FGA: variants seen among roughly 807,000 people sequenced by gnomAD.
The protein encoded by FGA is fibrinogen alpha chain, also known as fibrinogen, A alpha polypeptide.
Under a neutral mutation model 20.3 loss-of-function variants are expected in FGA, and 20 were observed. That is an observed-to-expected ratio of 0.99 (90% CI 0.69 to 1.43). The LOEUF (loss-of-function observed/expected upper bound fraction) is 1.43. Among genes scored for constraint, FGA ranks in the 40% most tolerant of loss-of-function variants. The pLI, the probability that FGA is intolerant of heterozygous loss-of-function variation, is 0.00. For missense variants in FGA, 777 were observed against 784.7 expected, an observed-to-expected ratio of 0.99 and a Z score of 0.12; for synonymous variants, 306 against 281.6, an observed-to-expected ratio of 1.09 and a Z score of -0.87.
intron 3 of FGA, 87 bp from the exon 4 acceptor site, chr4:154,587,744 G>GAAA: frequency 3.9e-6 from 2 of 513,324 alleles, no homozygotes; most frequent in South Asian, 3.1e-5. Flanking sequence ...AAGGAAGGAA[G>GAAA]GAGAAAGAAA....
At position 154,587,742 on chromosome 4, in the gene FGA, AAG is replaced by A. The variant is rs1730764118; in HGVS notation, c.365-87_365-86del. 4 of 867,336 alleles carry A rather than the reference AAG, an allele frequency of 4.6e-6. No homozygotes were observed. In the African/African-American group the frequency reaches 5.2e-5, roughly 11 times the overall value. The allele number at this position is 867,336 out of a possible 1,614,324, so 53.7% of individuals were successfully genotyped here. On this transcript the variant is annotated intron_variant, in intron 3 of 4. Coordinates refer to ENST00000403106, the MANE Select transcript of FGA (RefSeq NM_021871.4). ...CAAAAAAGAAAGGAAGAAAGGAAGG[AAG>A]GAGAAAGAAAGAAAGAAAGAAAGAA...
intron 1 of FGA, among the ~76,000 whole-genome samples, chr4:154,590,224 T>C (rs979590112): frequency 6.6e-6 from 1 of 152,256 alleles, no homozygotes; most frequent in East Asian, 1.9e-4. Context: ...GTTCTGCTTA[T>C]TATGGACAAG....
In FGA at chr4:154,585,382, A is replaced by T; in HGVS notation, c.*112T>A. ...AAGGCCCTGCCCCCAAGGAACTTAC[A>T]GTCTAGCACAAAAACAGACCAAAAA... On this transcript the variant is annotated 3_prime_UTR_variant, in exon 5 of 5. Transcript: ENST00000403106. 1 of 1,061,216 alleles carries T rather than the reference A, an allele frequency of 9.4e-7. No homozygotes were observed. Among genetic ancestry groups the T allele is most frequent in the Non-Finnish European group, 1.4e-6 (1 of 733,542 alleles). 65.7% of individuals were successfully genotyped at this position (1,061,216 alleles called of 1,614,324 possible).
intron 3 of FGA, 72 bp downstream of exon 3, chr4:154,588,721 C>A (rs1343070699): frequency 9.4e-7 from 1 of 1,061,784 alleles, no homozygotes; most frequent in African/African-American, 1.6e-5. Context: ...TAGATATAAG[C>A]GGATATCATA....
Position 154,585,865 on chromosome 4 carries a change from T to C in FGA, c.1564A>G (p.Thr522Ala). 1 of 1,614,126 alleles carries C rather than the reference T, an allele frequency of 6.2e-7. No homozygotes were observed. Residue 522 changes from threonine to alanine, a missense_variant, in exon 5 of 5, where the codon ACT becomes GCT. Transcript: ENST00000403106. ...RHPDEAAFFD[T>A]ASTGKTFPGF... ...GGGAATGTTTTTCCAGTTGAGGCAGTGTCGAAGAAGGCAGCTTCATCAGGG... is the reference window on the plus strand; with the variant it reads ...GGGAATGTTTTTCCAGTTGAGGCAGCGTCGAAGAAGGCAGCTTCATCAGGG...
downstream of FGA, chr4:154,584,633 T>A: frequency 3.7e-6 from 6 of 1,614,204 alleles, no homozygotes; most frequent in Non-Finnish European, 5.1e-6. Flanking sequence ...TCATTCAGGC[T>A]GCCGAAACCT....
At chr4:154,587,751 G>GAAAGAAAGAAAGAA (rs1730766838) in intron 3 of FGA, 94 bp from the exon 4 acceptor site, 2 of 305,720 alleles carry the variant, frequency 6.5e-6, no homozygotes, top group African/African-American at 5.8e-5. Flanking sequence ...GAAGGAGAAA[G>GAAAGAAAGAAAGAA]AAAGAAAGAA....
chr4:154,587,731 AG>A (rs1307646452), intron 3 of FGA, 74 bp from the exon 4 acceptor site: 27 of 1,003,934 alleles, frequency 2.7e-5, no homozygotes, highest in Non-Finnish European at 3.5e-5. Context: ...AAAGAAAGGA[AG>A]AAAGGAAGGA....
At chr4:154,589,170 G>A (rs1730810580) in intron 2 of FGA, among the ~76,000 whole-genome samples, 194 bp from the exon 3 acceptor site, 1 of 152,128 alleles carries the variant, frequency 6.6e-6, no homozygotes, top group Non-Finnish European at 1.5e-5. Context: ...TAAATTAGGT[G>A]CCAGGAAATT....
At chr4:154,587,787 GA>G (rs1224523158) in intron 3 of FGA, 130 bp from the exon 4 acceptor site, 2 of 713,534 alleles carry the variant, frequency 2.8e-6, no homozygotes, top group Non-Finnish European at 4.7e-6. Flanking sequence ...AAGAAAGAAA[GA>G]AAGAAAGAAA....
downstream of FGA, chr4:154,584,946 T>A: frequency 1.2e-6 from 1 of 863,094 alleles, no homozygotes; most frequent in Non-Finnish European, 1.9e-6. Context: ...CCTTTCTTTC[T>A]TCCTCCTTTC....
At chr4:154,584,518 G>A (rs745804282), downstream of FGA, 1 of 1,614,158 alleles carries the variant, frequency 6.2e-7, no homozygotes, top group Non-Finnish European at 8.5e-7. Context: ...TTCTGCATAA[G>A]CTTCATTCCC....
Position 154,586,143 on chromosome 4 carries a change from T to C in FGA, c.1286A>G (p.His429Arg), listed in dbSNP as rs977651675. The C allele has an allele frequency of 3.7e-6, 6 of 1,614,074 alleles. No individual in the cohort carries two copies. The highest frequency in any genetic ancestry group is 4.2e-6 in the Non-Finnish European group (5 of 1,180,028). The change falls in exon 5 of 5, where the codon CAC (histidine) becomes CGC (arginine). Residue 429 changes from histidine (H) to arginine (R), a missense_variant. Physicochemically the swap from His to Arg is conservative, Grantham distance 29. Transcript: ENST00000403106. Reference sequence around the variant, plus strand: ...TTTAGAAGTGACCAGTTTTTCTGTGTGGTACTCTCTCCTTGTCCCTGGACT... The same window carrying C: ...TTTAGAAGTGACCAGTTTTTCTGTGCGGTACTCTCTCCTTGTCCCTGGACT... ...NVSPGTRREY[H>R]TEKLVTSKGD...
rs1730817981 is a variant in FGA, at chr4:154,589,453, C to G, written c.164G>C (p.Cys55Ser). 1 of 1,614,056 alleles carries G rather than the reference C, an allele frequency of 6.2e-7. No individual in the cohort carries two copies. Among genetic ancestry groups the G allele is most frequent in the Non-Finnish European group, 8.5e-7 (1 of 1,180,006 alleles). The change falls in exon 2 of 5, where the codon TGC (cysteine) becomes TCC (serine). Residue 55 changes from cysteine to serine, a missense_variant. Coordinates refer to ENST00000403106, the MANE Select transcript of FGA (RefSeq NM_021871.4). ...SACKDSDWPF[C>S]SDEDWNYKCP... Reference sequence around the variant, plus strand: ...ACTGCTTACCCAGTCTTCATCAGAGCAGAAGGGCCAGTCTGAATCTTTGCA... The same window carrying G: ...ACTGCTTACCCAGTCTTCATCAGAGGAGAAGGGCCAGTCTGAATCTTTGCA...
chr4:154,588,546 C>A (rs1348975853), intron 3 of FGA, among the ~76,000 whole-genome samples: 4 of 152,110 alleles, frequency 2.6e-5, no homozygotes, highest in African/African-American at 9.7e-5. Flanking sequence ...CATTTAAATT[C>A]TTGTTTTTAA....
downstream of FGA, chr4:154,584,850 G>A: frequency 6.4e-7 from 1 of 1,569,042 alleles, no homozygotes. Context: ...AAAAAATTAA[G>A]CTGGTTGGAA....
chr4:154,585,858 G>A lies in FGA; in HGVS notation c.1571C>T (p.Ser524Leu), dbSNP rs1163177532. ...GAAACCTGGGAATGTTTTTCCAGTT[G>A]AGGCAGTGTCGAAGAAGGCAGCTTC... is the stretch of plus-strand genomic sequence containing the variant. ...PDEAAFFDTASTGKTFPGFFS... is the reference protein window; with the variant it reads ...PDEAAFFDTALTGKTFPGFFS... Residue 524 changes from serine to leucine, a missense_variant, in exon 5 of 5, where the codon TCA becomes TTA. Transcript: ENST00000403106. 1.2e-6 allele frequency: 2 copies of A among 1,614,178 alleles called. No individual in the cohort carries two copies. The highest frequency in any genetic ancestry group is 2.7e-5 in the African/African-American group (2 of 75,036).
intron 1 of FGA, among the ~76,000 whole-genome samples, chr4:154,589,846 G>C (rs1730828095): frequency 6.6e-6 from 1 of 152,208 alleles, no homozygotes. Flanking sequence ...GAGTTTTAAA[G>C]AATCCATCCT....
At position 154,588,863 on chromosome 4, in the gene FGA, G is replaced by C; in HGVS notation, c.294C>G (p.Asn98Lys). 1.9e-6 allele frequency: 3 copies of C among 1,611,760 alleles called. No homozygotes were observed. Among genetic ancestry groups the C allele is most frequent in the Non-Finnish European group, 2.5e-6 (3 of 1,178,408 alleles). The part of the protein sequence containing the change: ...LKNSLFEYQK[N>K]NKDSHSLTTN... ...TGGTCAACGAATGAGAATCCTTATT[G>C]TTCTTCTGATATTCAAATAGTGAAT... Residue 98 changes from asparagine (N) to lysine (K), a missense_variant, in exon 3 of 5, where the codon AAC becomes AAG. Coordinates refer to ENST00000403106, the MANE Select transcript of FGA (RefSeq NM_021871.4).
Sources: allele counts gnomAD v4.1 joint callset (sites outside exome capture counted in the v4.1 genomes callset), GRCh38; gene constraint gnomAD v4.1.1; transcripts MANE v1.5; gene names NCBI Gene and HGNC (gene_info 2026-07-23, HGNC 2026-07-21).